DYNC2H1: variants seen among roughly 807,000 people sequenced by gnomAD.
DYNC2H1 encodes dynein cytoplasmic 2 heavy chain 1.
In DYNC2H1, 410 loss-of-function variants were observed where a neutral mutation model predicts 570.0. The ratio of observed to expected loss-of-function variants is 0.72; its 90% CI spans 0.66 to 0.78. DYNC2H1 has a LOEUF of 0.78. DYNC2H1 is among the 30% of genes least tolerant of loss of function. DYNC2H1 has a pLI of 0.00. For missense variants in DYNC2H1, 4,865 were observed against 5,046.4 expected, an observed-to-expected ratio of 0.96 and a Z score of 1.09; for synonymous variants, 1,688 against 1,677.6, an observed-to-expected ratio of 1.01 and a Z score of -0.15.
intron 88 of DYNC2H1, among the ~76,000 whole-genome samples, chr11:103,477,851 A>AAAAG (rs1164242421): frequency 2.6e-5 from 4 of 151,340 alleles, no homozygotes; most frequent in Non-Finnish European, 5.9e-5. Flanking sequence ...AAAAAAAAAA[A>AAAAG]AAAAAGATCA....
intron 87 of DYNC2H1, among the ~76,000 whole-genome samples, chr11:103,458,205 T>C (rs1944863622): frequency 1.3e-5 from 2 of 152,226 alleles, no homozygotes; most frequent in African/African-American, 4.8e-5. Flanking sequence ...CTCTCTTTAC[T>C]GTATATTTTC....
intron 84 of DYNC2H1, chr11:103,405,555 A>C (rs1175672153): frequency 6.6e-6 from 1 of 151,948 alleles, no homozygotes; most frequent in Non-Finnish European, 1.5e-5. Context: ...TTATCCGGGG[A>C]AATGCCATGT....
chr11:103,156,277 C>G, intron 25 of DYNC2H1, 111 bp from the exon 26 acceptor site: 1 of 1,115,562 alleles, frequency 9.0e-7, no homozygotes, highest in Admixed American at 3.2e-5. Flanking sequence ...TTTTTTTTGC[C>G]TTATGGTGAA....
chr11:103,111,096 G>A (rs943325865), intron 1 of DYNC2H1, among the ~76,000 whole-genome samples: 3 of 152,196 alleles, frequency 2.0e-5, no homozygotes, highest in African/African-American at 4.8e-5. Flanking sequence ...AAAGTGCTGG[G>A]ATTACAGGTG....
chr11:103,447,830 C>T (rs897486176), intron 85 of DYNC2H1, among the ~76,000 whole-genome samples: 9 of 151,952 alleles, frequency 5.9e-5, no homozygotes, highest in African/African-American at 2.2e-4. Flanking sequence ...TTTGTTAATT[C>T]AAGATTTGAG....
At chr11:103,112,257 T>C (rs1367455449) in intron 1 of DYNC2H1, among the ~76,000 whole-genome samples, 1 of 152,168 alleles carries the variant, frequency 6.6e-6, no homozygotes, top group East Asian at 1.9e-4. Flanking sequence ...TGCTGGAGTT[T>C]ATGGTATGAA....
intron 70 of DYNC2H1, among the ~76,000 whole-genome samples, chr11:103,266,178 CCT>C (rs1865497483): frequency 6.6e-6 from 1 of 152,122 alleles, no homozygotes. Flanking sequence ...GGGATTCATC[CCT>C]GTTTGCAAGT....
Position 103,324,008 on chromosome 11 carries a change from T to C in DYNC2H1, c.12039+18T>C. 1 of 1,567,644 alleles carries C rather than the reference T, an allele frequency of 6.4e-7. No homozygotes were observed. Among genetic ancestry groups the C allele is most frequent in the South Asian group, 1.2e-5 (1 of 80,526 alleles). ...GTTCTCAGGTAACCTAAAAAAAAGA[T>C]CTACCTTCAAAAAAAGTTGCTAGTG... On this transcript the variant is annotated intron_variant, in intron 82 of 88. Transcript: ENST00000375735. This position sits in a 1 kb window ranked among gnomAD's most constrained non-coding sequence, Gnocchi z 5.2.
chr11:103,238,017 G>A (rs1195971512), intron 63 of DYNC2H1, among the ~76,000 whole-genome samples: 1 of 152,038 alleles, frequency 6.6e-6, no homozygotes, highest in Admixed American at 6.6e-5. Context: ...ATTTCTTAGG[G>A]TAATTAGTTA....
intron 84 of DYNC2H1, among the ~76,000 whole-genome samples, chr11:103,413,513 T>A (rs1481592024): frequency 6.6e-6 from 1 of 152,212 alleles, no homozygotes; most frequent in African/African-American, 2.4e-5. Context: ...CATTAAAGCC[T>A]GTACTGTAAT....
intron 86 of DYNC2H1, 98 bp from the exon 87 acceptor site, chr11:103,456,177 T>C (rs1309656765): frequency 1.1e-6 from 1 of 880,584 alleles, no homozygotes; most frequent in African/African-American, 1.7e-5. Flanking sequence ...ATGGTAAATA[T>C]TTTAATTTTA....
At chr11:103,462,482 T>TTCATCTAATAGATC (rs1297973101) in intron 87 of DYNC2H1, among the ~76,000 whole-genome samples, 1 of 152,176 alleles carries the variant, frequency 6.6e-6, no homozygotes, top group East Asian at 1.9e-4. Context: ...TCATCAGTAT[T>TTCATCTAATAGATC]TCATCTAATA....
intron 59 of DYNC2H1, among the ~76,000 whole-genome samples, chr11:103,226,982 G>A (rs900103587): frequency 6.6e-6 from 1 of 152,148 alleles, no homozygotes; most frequent in Non-Finnish European, 1.5e-5. Context: ...GCATAAAGGT[G>A]TTCATAGTAG....
chr11:103,397,637 G>A (rs965508276), intron 83 of DYNC2H1, among the ~76,000 whole-genome samples: 11 of 152,214 alleles, frequency 7.2e-5, no homozygotes, highest in Non-Finnish European at 4.4e-5. Context: ...GCTCATGCCT[G>A]TAATCCTAGC....
At chr11:103,111,606 A>G (rs1858117383) in intron 1 of DYNC2H1, among the ~76,000 whole-genome samples, 1 of 152,224 alleles carries the variant, frequency 6.6e-6, no homozygotes, top group Non-Finnish European at 1.5e-5. Flanking sequence ...GAAAGTTCGG[A>G]TAGAATGCAG....
intron 82 of DYNC2H1, among the ~76,000 whole-genome samples, chr11:103,354,038 A>G (rs959983060): frequency 2.0e-5 from 3 of 151,738 alleles, no homozygotes; most frequent in South Asian, 2.1e-4. Context: ...TTACCTGGGC[A>G]TGGTGGCGCA....
intron 87 of DYNC2H1, among the ~76,000 whole-genome samples, chr11:103,466,155 A>G (rs974499179): frequency 1.3e-5 from 2 of 152,216 alleles, no homozygotes; most frequent in Admixed American, 6.5e-5. Flanking sequence ...AACTTGACAC[A>G]TGACAAAAGT....
At chr11:103,184,220 A>G (rs766814986) in intron 40 of DYNC2H1, among the ~76,000 whole-genome samples, 1 of 151,950 alleles carries the variant, frequency 6.6e-6, no homozygotes, top group African/African-American at 2.4e-5. Context: ...TTCCTGTGCT[A>G]TGCTTGAGCT....
At chr11:103,174,609 A>C (rs1861719462) in intron 36 of DYNC2H1, among the ~76,000 whole-genome samples, 1 of 152,166 alleles carries the variant, frequency 6.6e-6, no homozygotes, top group Non-Finnish European at 1.5e-5. Context: ...GTCTTGAAAC[A>C]AGAACAGAAA....
Sources: gnomAD v4.1 joint callset for allele counts (sites outside exome capture counted in the v4.1 genomes callset) on GRCh38, gnomAD v4.1.1 for gene constraint, Gnocchi (gnomAD v3.1) non-coding constraint, MANE v1.5 for transcripts, NCBI Gene and HGNC (gene_info 2026-07-23, HGNC 2026-07-21) for gene names.